SLC9A7: variants seen among roughly 807,000 people sequenced by gnomAD.
SLC9A7 encodes sodium/hydrogen exchanger 7.
Under a neutral mutation model 52.6 loss-of-function variants are expected in SLC9A7, and 19 were observed. The ratio of observed to expected loss-of-function variants is 0.36; its 90% confidence interval spans 0.25 to 0.53. The LOEUF is 0.53. SLC9A7 is among the 20% of genes least tolerant of loss of function. The pLI, the probability that SLC9A7 is intolerant of heterozygous loss-of-function variation, is 0.91. For missense variants in SLC9A7, 455 were observed against 597.9 expected (o/e 0.76, Z 2.49); for synonymous variants, 226 against 252.1 (o/e 0.90, Z 0.98).
At chrX:46,694,004 A>G (rs1207307419) in intron 1 of SLC9A7, among the ~76,000 whole-genome samples, 2 of 110,840 alleles carry the variant, frequency 1.8e-5, no homozygotes, top group African/African-American at 6.5e-5. Flanking sequence ...TGCTGAACAC[A>G]TACAGACATA....
At chrX:46,710,649 G>C (rs1341757949) in intron 1 of SLC9A7, among the ~76,000 whole-genome samples, 1 of 110,621 alleles carries the variant, frequency 9.0e-6, no homozygotes, top group Admixed American at 9.7e-5. Context: ...AGAGAAGAAA[G>C]GCTGACTCCA....
intron 1 of SLC9A7, among the ~76,000 whole-genome samples, chrX:46,697,929 T>A (rs1944471914): frequency 9.0e-6 from 1 of 111,451 alleles, no homozygotes; most frequent in African/African-American, 3.3e-5. Flanking sequence ...CTGGCCCCCC[T>A]GGGCATGGCC....
intron 4 of SLC9A7, among the ~76,000 whole-genome samples, chrX:46,670,763 C>T (rs1944006261): frequency 8.9e-6 from 1 of 111,994 alleles, no homozygotes; most frequent in African/African-American, 3.2e-5. Flanking sequence ...CTATTGTGTG[C>T]CAGACACTGT....
At chrX:46,655,742 T>C (rs1220964730) in intron 7 of SLC9A7, among the ~76,000 whole-genome samples, 1 of 112,529 alleles carries the variant, frequency 8.9e-6, no homozygotes, top group Non-Finnish European at 1.9e-5. Context: ...GTCTCGCTGA[T>C]TGCTAGCACA....
chrX:46,712,913 T>A, intron 1 of SLC9A7, among the ~76,000 whole-genome samples: 1 of 111,954 alleles, frequency 8.9e-6, no homozygotes, highest in East Asian at 2.8e-4. Flanking sequence ...CCACTTAAAA[T>A]AGAAAACGAC....
intron 2 of SLC9A7, among the ~76,000 whole-genome samples, chrX:46,679,987 A>G (rs1311356364): frequency 8.9e-6 from 1 of 111,918 alleles, no homozygotes; most frequent in Non-Finnish European, 1.9e-5. Context: ...GCTGTTTTAA[A>G]ACATAATAAG....
intron 4 of SLC9A7, among the ~76,000 whole-genome samples, chrX:46,672,323 AATG>A (rs1944037502): frequency 8.9e-6 from 1 of 112,030 alleles, no homozygotes; most frequent in South Asian, 3.7e-4. Context: ...TTTATCAAAG[AATG>A]ATAACAGAAA....
chrX:46,709,398 C>A (rs766058056), intron 1 of SLC9A7, among the ~76,000 whole-genome samples: 1 of 110,704 alleles, frequency 9.0e-6, no homozygotes, highest in African/African-American at 3.3e-5. Flanking sequence ...CAGAGTGAGA[C>A]TCTGTTCTCA....
At chrX:46,650,883 A>G (rs1395581136) in intron 10 of SLC9A7, among the ~76,000 whole-genome samples, 5 of 111,736 alleles carry the variant, frequency 4.5e-5, no homozygotes, top group Non-Finnish European at 9.4e-5. Context: ...AAATACATTT[A>G]GTGTTATGAA....
chrX:46,662,606 G>A lies in SLC9A7; in HGVS notation c.831C>T (p.Asp277=), dbSNP rs772208068. 1.2e-5 allele frequency: 14 copies of A among 1,207,959 alleles called. No homozygotes were observed. The highest frequency in any genetic ancestry group is 5.9e-5 in the East Asian group (2 of 33,755). Residue 277 remains aspartate (D), a synonymous_variant, in exon 6 of 17, where the codon GAC becomes GAT. Coordinates refer to ENST00000616978, the MANE Select transcript of SLC9A7 (RefSeq NM_001257291.2). ...CAAAAAGAAGTGCGTAAAGATCCAC[G>A]TCTGCATGCAATTCATTAAATATCG... ...VLAIFNELHA[D]VDLYALLFGE...
chrX:46,635,428 A>C (rs934345805), intron 13 of SLC9A7, among the ~76,000 whole-genome samples, 161 bp downstream of exon 13: 3 of 112,282 alleles, frequency 2.7e-5, no homozygotes, highest in African/African-American at 9.7e-5. Context: ...AGGGGTGGAA[A>C]AAATGATTAG....
intron 1 of SLC9A7, among the ~76,000 whole-genome samples, chrX:46,719,382 A>G (rs1012993388): frequency 9.0e-6 from 1 of 110,744 alleles, no homozygotes; most frequent in African/African-American, 3.3e-5. Flanking sequence ...AACATGGCAC[A>G]TGTATACATA....
At chrX:46,608,114 C>T (rs897323513) in intron 16 of SLC9A7, among the ~76,000 whole-genome samples, 2 of 112,585 alleles carry the variant, frequency 1.8e-5, no homozygotes, top group African/African-American at 6.5e-5. Context: ...TCAGGGCCCC[C>T]GCGCAGTCAC....
In SLC9A7 at chrX:46,690,297, T is replaced by G. The variant is rs4824587; in HGVS notation, c.326-7762A>C. On this transcript the variant is annotated intron_variant, in intron 1 of 16. Transcript: ENST00000616978. ...TTCTATTGTAATAGGTGTGTAGTGG[T>G]ATTTCACCATACTTTAAATTTGCAT... Among the ~76,000 whole-genome samples the G allele has an allele frequency of 1.2e-4, 13 of 112,555 alleles. No homozygotes were observed. The Admixed American group carries it at 1.2e-3, about 11-fold the overall frequency.
At chrX:46,749,372 C>T (rs1264036924) in intron 1 of SLC9A7, among the ~76,000 whole-genome samples, 1 of 111,810 alleles carries the variant, frequency 8.9e-6, no homozygotes, top group African/African-American at 3.3e-5. Flanking sequence ...CATTCTAATG[C>T]ATTTTGGAAA....
At chrX:46,653,248 G>T (rs1231906957) in intron 8 of SLC9A7, among the ~76,000 whole-genome samples, 2 of 110,728 alleles carry the variant, frequency 1.8e-5, no homozygotes, top group Non-Finnish European at 3.8e-5. Context: ...GAATAAAGAA[G>T]TTAGCTGGGT....
intron 1 of SLC9A7, among the ~76,000 whole-genome samples, chrX:46,748,364 A>AAGGAAGGAAGGAAGGAAGGAAGG: frequency 2.0e-5 from 1 of 51,264 alleles, no homozygotes; most frequent in East Asian, 5.9e-4. Flanking sequence ...AAAAAGAAAG[A>AAGGAAGGAAGGAAGGAAGGAAGG]AAGGAAGGAA....
intron 4 of SLC9A7, among the ~76,000 whole-genome samples, chrX:46,672,145 G>A (rs972495890): frequency 1.8e-5 from 2 of 111,747 alleles, no homozygotes; most frequent in South Asian, 7.5e-4. Context: ...CATTACAGGG[G>A]CTTTCAGGTT....
chrX:46,655,528 C>T (rs1943664638), intron 7 of SLC9A7, among the ~76,000 whole-genome samples: 1 of 111,597 alleles, frequency 9.0e-6, no homozygotes, highest in African/African-American at 3.3e-5. Context: ...CATGTGCGAG[C>T]CGAAGCAGGG....
Sources: gnomAD v4.1 joint callset for allele counts (sites outside exome capture counted in the v4.1 genomes callset) on GRCh38, gnomAD v4.1.1 for gene constraint, MANE v1.5 for transcripts, NCBI Gene and HGNC (gene_info 2026-07-23, HGNC 2026-07-21) for gene names.